COL4A1: variants seen among roughly 807,000 people sequenced by gnomAD.
The protein encoded by COL4A1 is collagen alpha-1(IV) chain.
COL4A1 carries 40 observed loss-of-function variants against 216.6 expected under a neutral mutation model. The ratio of observed to expected loss-of-function variants is 0.18; its 90% CI spans 0.14 to 0.24. COL4A1 has a LOEUF of 0.24. Among genes scored for constraint, COL4A1 ranks in the 10% least tolerant of loss-of-function variants. COL4A1 has a pLI of 1.00. For synonymous variants in COL4A1, 839 were observed against 810.7 expected (o/e 1.03, Z -0.59); for missense variants, 1,628 against 2,196.8 (o/e 0.74, Z 5.18).
In COL4A1 at chr13:110,173,887, C is replaced by T. The variant is rs762177611; in HGVS notation, c.3505+13G>A. ...CTGCTGATTCTGATAGGGAATGGGG[C>T]GTTGGGCCATACCTGGTTCACCCTT... On this transcript the variant is annotated intron_variant, in intron 40 of 51. Transcript: ENST00000375820. The T allele has an allele frequency of 1.7e-5, 28 of 1,614,004 alleles. No homozygotes were observed. The highest frequency in any genetic ancestry group is 8.0e-5 in the African/African-American group (6 of 75,044).
At position 110,157,192 on chromosome 13, in the gene COL4A1, C is replaced by T. The variant is rs1032996142; in HGVS notation, c.4641-1795G>A. On this transcript the variant is annotated intron_variant, in intron 49 of 51. Coordinates refer to ENST00000375820, the MANE Select transcript of COL4A1 (RefSeq NM_001845.6). ...AACTAAGGCCAGGGTTAGTTGTGTC[C>T]AAGACAGAACGAAAATGCAGTTCTC... Among the ~76,000 whole-genome samples, 20 of 152,304 alleles carry T rather than the reference C, an allele frequency of 1.3e-4. No homozygotes were observed. The East Asian group carries it at 3.9e-3, about 29-fold the overall frequency.
chr13:110,173,809 G>A, intron 40 of COL4A1, 91 bp downstream of exon 40: 2 of 1,468,834 alleles, frequency 1.4e-6, no homozygotes, highest in African/African-American at 1.4e-5. Flanking sequence ...GCCATTCTGT[G>A]CCCAGCTTTA....
At position 110,179,312 on chromosome 13, in the gene COL4A1, T is replaced by C; in HGVS notation, c.2303A>G (p.Glu768Gly). The change falls in exon 30 of 52, where the codon GAA becomes GGA. Residue 768 changes from glutamate to glycine, a missense_variant. Around this residue, in one of 8 missense-constraint regions of COL4A1, gnomAD observed 701 missense variants for 892.5 expected, o/e 0.79. Coordinates refer to ENST00000375820, the MANE Select transcript of COL4A1 (RefSeq NM_001845.6). Reference protein sequence around the residue: ...GSIGVPGVPGEHGAIGPPGLQ... With the variant: ...GSIGVPGVPGGHGAIGPPGLQ... ...CCCAGGGGGTCCGATCGCTCCATGT[T>C]CTCCAGGAACGCCTGGTACCCCAAT... 3 of 1,614,070 alleles carry C rather than the reference T, an allele frequency of 1.9e-6. No homozygotes were observed. Among genetic ancestry groups the C allele is most frequent in the Non-Finnish European group, 2.5e-6 (3 of 1,180,008 alleles).
rs548636569 is a variant in COL4A1, at chr13:110,248,568, C to A, written c.85-5834G>T. Among the ~76,000 whole-genome samples the A allele has an allele frequency of 2.0e-5, 3 of 151,842 alleles. 1 individual carries two copies. Among genetic ancestry groups the A allele is most frequent in the Non-Finnish European group, 3.0e-5 (2 of 67,778 alleles). The stretch of plus-strand genomic sequence containing the variant: ...GTGCACTGGCGCGACGTCGGCTCAC[C>A]GCAACCTCTGCCATCTGGATTCAAG... On this transcript the variant is annotated intron_variant, in intron 1 of 51. Transcript: ENST00000375820.
Position 110,214,003 on chromosome 13 carries a change from G to A in COL4A1, c.157C>T (p.Leu53Phe). 1.2e-6 allele frequency: 2 copies of A among 1,613,902 alleles called. No individual in the cohort carries two copies. Among genetic ancestry groups the A allele is most frequent in the South Asian group, 1.1e-5 (1 of 91,066 alleles). The change falls in exon 3 of 52, where the codon CTC becomes TTC. Residue 53 changes from leucine to phenylalanine, a missense_variant. Coordinates refer to ENST00000375820, the MANE Select transcript of COL4A1 (RefSeq NM_001845.6). ...GVKGQKGERG[L>F]PGLQGVIGFP... ...CCAATGACACCTTGTAACCCCGGGA[G>A]GCCTCTTTCACCCTACAGAAGAGGA... is the stretch of plus-strand genomic sequence containing the variant.
chr13:110,234,586 A>G (rs943372118), intron 2 of COL4A1, among the ~76,000 whole-genome samples: 10 of 152,128 alleles, frequency 6.6e-5, no homozygotes, highest in African/African-American at 2.4e-4. Flanking sequence ...CATCTCAAAA[A>G]AGAAAAAGAA....
Position 110,179,440 on chromosome 13 carries a change from C to T in COL4A1, c.2194-19G>A. 3 of 1,614,038 alleles carry T rather than the reference C, an allele frequency of 1.9e-6. No individual in the cohort carries two copies. Among genetic ancestry groups the T allele is most frequent in the South Asian group, 2.2e-5 (2 of 91,088 alleles). ...GCTCTCCCTGAAAATCCCCAAAGCA[C>T]AGAGAAGCAAATTGATTTGCAAAGT... On this transcript the variant is annotated intron_variant, in intron 29 of 51. Coordinates refer to ENST00000375820, the MANE Select transcript of COL4A1 (RefSeq NM_001845.6).
At chr13:110,265,709 T>A (rs1193522229) in intron 1 of COL4A1, 1 of 152,268 alleles carries the variant, frequency 6.6e-6, no homozygotes. Context: ...GGATTTGTTA[T>A]CTACGTCACT....
chr13:110,152,630 G>T, intron 50 of COL4A1, 124 bp from the exon 51 acceptor site: 1 of 1,142,130 alleles, frequency 8.8e-7, no homozygotes, highest in Non-Finnish European at 1.3e-6. Flanking sequence ...AGCCTCATGT[G>T]GTCACCACAG....
intron 1 of COL4A1, among the ~76,000 whole-genome samples, chr13:110,272,473 C>A (rs907673511): frequency 6.6e-6 from 1 of 152,128 alleles, no homozygotes; most frequent in African/African-American, 2.4e-5. Flanking sequence ...CCCTTCTGAG[C>A]ACATGCATGT....
chr13:110,274,432 C>T (rs1294787931), intron 1 of COL4A1, among the ~76,000 whole-genome samples: 1 of 152,270 alleles, frequency 6.6e-6, no homozygotes, highest in East Asian at 1.9e-4. Flanking sequence ...AAGCACACAG[C>T]CCTCGGGAGG....
At position 110,233,179 on chromosome 13, in the gene COL4A1, G is replaced by T. The variant is rs1881145079; in HGVS notation, c.144+9496C>A. On this transcript the variant is annotated intron_variant, in intron 2 of 51. Coordinates refer to ENST00000375820, the MANE Select transcript of COL4A1 (RefSeq NM_001845.6). The stretch of plus-strand genomic sequence containing the variant: ...TTTAAAAAAATTCATTGTTTTCAAA[G>T]AACTATCAAAAAAGACAAAAGTAGG... Among the ~76,000 whole-genome samples the T allele has an allele frequency of 2.0e-5, 3 of 152,202 alleles. No homozygotes were observed. The South Asian group carries it at 6.2e-4, about 32-fold the overall frequency.
intron 1 of COL4A1, among the ~76,000 whole-genome samples, chr13:110,283,511 C>T (rs186725074): frequency 6.6e-4 from 101 of 152,330 alleles, no homozygotes; most frequent in Middle Eastern, 3.4e-3. Flanking sequence ...CACACTCTCA[C>T]GCACACACAC....
chr13:110,266,615 C>T (rs1056284340), intron 1 of COL4A1, among the ~76,000 whole-genome samples: 8 of 152,196 alleles, frequency 5.3e-5, no homozygotes, highest in African/African-American at 1.9e-4. Flanking sequence ...GCTAGGCTAA[C>T]TGGCACAGTG....
rs1306163092 is a variant in COL4A1 at position 110,211,283 on chromosome 13, A to G, written c.468+364T>C. On this transcript the variant is annotated intron_variant, in intron 8 of 51. Transcript: ENST00000375820. This position sits in a 1 kb window ranked among gnomAD's most constrained non-coding sequence, Gnocchi z 4.3. Reference sequence around the variant, plus strand: ...GATGCCAGCAGCCGAGCCCCAAGACATCAACACCCCGCCTGGGAAAAGCTG... The same window carrying G: ...GATGCCAGCAGCCGAGCCCCAAGACGTCAACACCCCGCCTGGGAAAAGCTG... Among the ~76,000 whole-genome samples the G allele has an allele frequency of 6.6e-6, 1 of 152,148 alleles. No homozygotes were observed. Among genetic ancestry groups the G allele is most frequent in the Non-Finnish European group, 1.5e-5 (1 of 68,032 alleles).
At chr13:110,182,688 G>T (rs1269940920) in intron 28 of COL4A1, among the ~76,000 whole-genome samples, 1 of 152,230 alleles carries the variant, frequency 6.6e-6, no homozygotes, top group African/African-American at 2.4e-5. Flanking sequence ...CAGGTGGACT[G>T]CGAGTCTTCC....
intron 1 of COL4A1, among the ~76,000 whole-genome samples, chr13:110,253,366 T>TA (rs1269261632): frequency 5.4e-5 from 1 of 18,522 alleles, no homozygotes; most frequent in Non-Finnish European, 1.0e-4. Flanking sequence ...ATGTATTACA[T>TA]ATACATATAA....
chr13:110,296,611 A>G (rs1884286967), intron 1 of COL4A1, among the ~76,000 whole-genome samples: 1 of 152,194 alleles, frequency 6.6e-6, no homozygotes, highest in Admixed American at 6.5e-5. Context: ...GCAAGCAATC[A>G]TTTCTTCAGG....
intron 1 of COL4A1, among the ~76,000 whole-genome samples, chr13:110,243,275 A>G (rs575288853): frequency 1.3e-5 from 2 of 152,216 alleles, no homozygotes; most frequent in African/African-American, 4.8e-5. Flanking sequence ...TTAAAGCTTG[A>G]ACGTCACATT....
Sources: gnomAD v4.1 joint callset for allele counts (sites outside exome capture counted in the v4.1 genomes callset) on GRCh38, gnomAD v4.1.1 for gene constraint, gnomAD v4.1.1 regional missense constraint, Gnocchi (gnomAD v3.1) non-coding constraint, MANE v1.5 for transcripts, NCBI Gene and HGNC (gene_info 2026-07-23, HGNC 2026-07-21) for gene names.